MFHAS1: variants seen among roughly 807,000 people sequenced by gnomAD.
MFHAS1 encodes malignant fibrous histiocytoma-amplified sequence 1.
Under a neutral mutation model 70.4 loss-of-function variants are expected in MFHAS1, and 50 were observed. That is an observed-to-expected ratio of 0.71 (90% CI 0.57 to 0.90). The LOEUF (loss-of-function observed/expected upper bound fraction) is 0.90. Among genes scored for constraint, MFHAS1 ranks in the 40% least tolerant of loss-of-function variants. The pLI, the probability that MFHAS1 is intolerant of heterozygous loss-of-function variation, is 0.00. For synonymous variants in MFHAS1, 952 were observed against 620.0 expected (o/e 1.54, Z -7.96); for missense variants, 1,795 against 1,347.6 (o/e 1.33, Z -5.20).
chr8:8,889,134 C>T (rs1424731392), intron 1 of MFHAS1, among the ~76,000 whole-genome samples: 2 of 151,150 alleles, frequency 1.3e-5, no homozygotes, highest in African/African-American at 2.4e-5. Context: ...TACTGGAAAA[C>T]ACTCTCCAGA....
chr8:8,870,815 C>A (rs1400099970), intron 1 of MFHAS1, among the ~76,000 whole-genome samples: 1 of 152,236 alleles, frequency 6.6e-6, no homozygotes, highest in East Asian at 1.9e-4. Context: ...CTCCCATGCC[C>A]CATGCTCTGC....
At position 8,890,738 on chromosome 8, in the gene MFHAS1, G is replaced by C. The variant is rs1336600755; in HGVS notation, c.2321C>G (p.Thr774Ser). The C allele has an allele frequency of 6.2e-7, 1 of 1,613,710 alleles. No homozygotes were observed. Among genetic ancestry groups the C allele is most frequent in the African/African-American group, 1.3e-5 (1 of 75,066 alleles). ...GESSPPMARSTPSQELLRATQ... is the reference protein window; with the variant it reads ...GESSPPMARSSPSQELLRATQ... Reference sequence around the variant, plus strand: ...GGCCCGGAGCAGTTCCTGGCTGGGGGTGGACCGCGCCATGGGCGGGGAGCT... The same window carrying C: ...GGCCCGGAGCAGTTCCTGGCTGGGGCTGGACCGCGCCATGGGCGGGGAGCT... The change falls in exon 1 of 3, where the codon ACC becomes AGC. Residue 774 changes from threonine to serine, a missense_variant. Thr to Ser is a moderately conservative substitution (Grantham distance 58). Coordinates refer to ENST00000276282, the MANE Select transcript of MFHAS1 (RefSeq NM_004225.3).
intron 1 of MFHAS1, among the ~76,000 whole-genome samples, chr8:8,882,974 G>A (rs1044372118): frequency 7.9e-5 from 12 of 152,044 alleles, no homozygotes; most frequent in Admixed American, 1.3e-4. Context: ...CCAACATGGT[G>A]AAACCCTGTG....
chr8:8,824,520 T>TTCAC (rs1807083049), intron 1 of MFHAS1, among the ~76,000 whole-genome samples: 1 of 56,622 alleles, frequency 1.8e-5, no homozygotes, highest in African/African-American at 8.7e-5. Flanking sequence ...TTCTCTCTCT[T>TTCAC]TCACACACAC....
chr8:8,816,528 T>C (rs760425737), intron 1 of MFHAS1, among the ~76,000 whole-genome samples: 13 of 152,222 alleles, frequency 8.5e-5, no homozygotes, highest in Admixed American at 1.3e-4. Flanking sequence ...CAGGCAGAAA[T>C]GCCATATAAG....
In MFHAS1 at chr8:8,892,170, C is replaced by T. The variant is rs753472554; in HGVS notation, c.889G>A (p.Gly297Ser). 6.2e-7 allele frequency: 1 copy of T among 1,610,546 alleles called. No individual in the cohort carries two copies. The highest frequency in any genetic ancestry group is 8.5e-7 in the Non-Finnish European group (1 of 1,180,004). The change falls in exon 1 of 3, where the codon GGT (glycine) becomes AGT (serine). Residue 297 changes from glycine to serine, a missense_variant. By Grantham distance (56) the Gly-to-Ser change is moderately conservative (BLOSUM62 0). Coordinates refer to ENST00000276282, the MANE Select transcript of MFHAS1 (RefSeq NM_004225.3). This position sits in a 1 kb window ranked among gnomAD's most constrained non-coding sequence, Gnocchi z 4.7. ...EFPAALLPLAGLEELYLSRNQ... is the reference protein window; with the variant it reads ...EFPAALLPLASLEELYLSRNQ... The stretch of plus-strand genomic sequence containing the variant: ...CGACTAAGGTAGAGCTCCTCCAGAC[C>T]AGCCAGGGGCAGCAGCGCGGCAGGG...
intron 1 of MFHAS1, among the ~76,000 whole-genome samples, chr8:8,815,099 G>A (rs1005150167): frequency 3.3e-5 from 5 of 152,090 alleles, no homozygotes; most frequent in African/African-American, 4.8e-5. Context: ...TCCCACTTAT[G>A]AGTGACAACA....
chr8:8,832,885 A>G lies in MFHAS1; in HGVS notation c.2999-35394T>C, dbSNP rs936220317. The stretch of plus-strand genomic sequence containing the variant: ...CAAACTATTGGTCGAATTGTGTAGT[A>G]GCCCATTCTTACACTGCTATAAAGA... On this transcript the variant is annotated intron_variant, in intron 1 of 2. Coordinates refer to ENST00000276282, the MANE Select transcript of MFHAS1 (RefSeq NM_004225.3). Among the ~76,000 whole-genome samples, 9 of 152,182 alleles carry G rather than the reference A, an allele frequency of 5.9e-5. No homozygotes were observed. In the East Asian group the frequency reaches 1.5e-3, roughly 26 times the overall value.
At chr8:8,789,628 G>C (rs1026102861) in intron 2 of MFHAS1, among the ~76,000 whole-genome samples, 2 of 152,150 alleles carry the variant, frequency 1.3e-5, no homozygotes, top group African/African-American at 4.8e-5. Context: ...TTTATTTTCT[G>C]TATTCTGGTG....
At chr8:8,889,170 G>A (rs1050737171) in intron 1 of MFHAS1, among the ~76,000 whole-genome samples, 1 of 151,938 alleles carries the variant, frequency 6.6e-6, no homozygotes, top group South Asian at 2.1e-4. Flanking sequence ...TGTCCCTTCC[G>A]TCTCAATTAT....
At chr8:8,857,808 T>C (rs915458060) in intron 1 of MFHAS1, among the ~76,000 whole-genome samples, 4 of 152,102 alleles carry the variant, frequency 2.6e-5, no homozygotes, top group Non-Finnish European at 4.4e-5. Context: ...AGTAGATATA[T>C]AACTGTCCTA....
At chr8:8,865,062 G>A (rs560648715) in intron 1 of MFHAS1, among the ~76,000 whole-genome samples, 5 of 152,116 alleles carry the variant, frequency 3.3e-5, no homozygotes, top group Admixed American at 2.0e-4. Flanking sequence ...GATCACTTGA[G>A]GTCAGCAGTT....
At chr8:8,849,591 C>G (rs1808166079) in intron 1 of MFHAS1, among the ~76,000 whole-genome samples, 1 of 152,168 alleles carries the variant, frequency 6.6e-6, no homozygotes, top group Admixed American at 6.5e-5. Flanking sequence ...CCTGTTCAGT[C>G]CAACTGTGGC....
chr8:8,842,739 T>A, intron 1 of MFHAS1, among the ~76,000 whole-genome samples: 1 of 152,224 alleles, frequency 6.6e-6, no homozygotes, highest in African/African-American at 2.4e-5. Flanking sequence ...GGACAGCACG[T>A]TAAAGCTAGA....
Position 8,892,586 on chromosome 8 carries a change from G to C in MFHAS1, c.473C>G (p.Ala158Gly), listed in dbSNP as rs2116957873. 2 of 1,608,296 alleles carry C rather than the reference G, an allele frequency of 1.2e-6. No homozygotes were observed. Among genetic ancestry groups the C allele is most frequent in the East Asian group, 4.5e-5 (2 of 44,512 alleles). Reference sequence around the variant, plus strand: ...GCTGACATCCAGCTCCTCCAGGTGAGCGAGAGCGCCCAGCTGGGCGGGCAG... The same window carrying C: ...GCTGACATCCAGCTCCTCCAGGTGACCGAGAGCGCCCAGCTGGGCGGGCAG... The part of the protein sequence containing the change: ...PALPAQLGAL[A>G]HLEELDVSFN... Residue 158 changes from alanine (A) to glycine (G), a missense_variant, in exon 1 of 3, where the codon GCT becomes GGT. Physicochemically the swap from Ala to Gly is moderately conservative, Grantham distance 60. Transcript: ENST00000276282. This position sits in a 1 kb window ranked among gnomAD's most constrained non-coding sequence, Gnocchi z 4.7.
chr8:8,879,471 A>G (rs1049719175), intron 1 of MFHAS1, among the ~76,000 whole-genome samples: 1 of 152,196 alleles, frequency 6.6e-6, no homozygotes, highest in African/African-American at 2.4e-5. Context: ...CAGCATCCTC[A>G]CAAGTTCTGC....
At chr8:8,802,962 G>A (rs763778322) in intron 1 of MFHAS1, among the ~76,000 whole-genome samples, 9 of 152,174 alleles carry the variant, frequency 5.9e-5, no homozygotes, top group Non-Finnish European at 1.0e-4. Flanking sequence ...CAGGCTATCG[G>A]TAGATTTGGC....
rs11454563 is a variant in MFHAS1, at chr8:8,873,475, CT to C, written c.2998+16585del. Among the ~76,000 whole-genome samples the C allele has an allele frequency of 3.4e-3, 480 of 142,440 alleles. 5 individuals carry two copies. Among genetic ancestry groups the C allele is most frequent in the African/African-American group, 0.011 (413 of 38,796 alleles). 93.4% of individuals were successfully genotyped at this position (142,440 alleles called of 152,430 possible). On this transcript the variant is annotated intron_variant, in intron 1 of 2. Coordinates refer to ENST00000276282, the MANE Select transcript of MFHAS1 (RefSeq NM_004225.3). ...AACTATAACAGGATTTAATTGCTTA[CT>C]TTTTTTTTTTTTTTTTACAGGTCAA...
intron 1 of MFHAS1, among the ~76,000 whole-genome samples, chr8:8,884,841 T>C (rs192768059): frequency 9.9e-4 from 151 of 152,078 alleles, no homozygotes; most frequent in Middle Eastern, 3.4e-3. Context: ...TCCCAGCTAC[T>C]CAGGAGGCTG....
Sources: allele counts gnomAD v4.1 joint callset (sites outside exome capture counted in the v4.1 genomes callset), GRCh38; gene constraint gnomAD v4.1.1; non-coding constraint Gnocchi (gnomAD v3.1); transcripts MANE v1.5; gene names NCBI Gene and HGNC (gene_info 2026-07-23, HGNC 2026-07-21).